Variants in AKR1C1 observed in about 807,000 individuals in gnomAD.
AKR1C1 encodes the protein 20 alpha-hydroxysteroid dehydrogenase.
In AKR1C1, 32 loss-of-function variants were observed where a neutral mutation model predicts 40.6. The observed-to-expected ratio is 0.79, with a 90% confidence interval of 0.60 to 1.06. The LOEUF (loss-of-function observed/expected upper bound fraction) is 1.06, where lower values mean the gene tolerates loss of function less well. AKR1C1 is among the 50% of genes least tolerant of loss of function. The pLI is 0.00. For synonymous variants in AKR1C1, 105 were observed against 134.2 expected (o/e 0.78, Z 1.50); for missense variants, 320 against 363.5 (o/e 0.88, Z 0.97).
intron 3 of AKR1C1, 48 bp downstream of exon 3, chr10:4,967,091 A>T: frequency 6.4e-7 from 1 of 1,562,248 alleles, no homozygotes. Flanking sequence ...TTCTCAGCAT[A>T]AATATTGTTT....
rs781845539 is a variant in AKR1C1 at position 4,983,044 on chromosome 10, G to A, written c.*5302G>A. ...ATCAGAGCTGGTGCTGGTATCCACT[G>A]CTGGGAGACTTGTGCTGAGGTGAAG... On this transcript the variant is annotated 3_prime_UTR_variant, in exon 9 of 9. Coordinates refer to ENST00000380872, the MANE Select transcript of AKR1C1 (RefSeq NM_001353.6). 1 of 401,822 alleles carries A rather than the reference G, an allele frequency of 2.5e-6. No homozygotes were observed. Among genetic ancestry groups the A allele is most frequent in the Admixed American group, 2.7e-5 (1 of 37,604 alleles). 24.9% of individuals were successfully genotyped at this position (401,822 alleles called of 1,614,324 possible).
In AKR1C1 at chr10:4,965,871, A is replaced by G. The variant is rs756630819; in HGVS notation, c.85-43A>G. The stretch of plus-strand genomic sequence containing the variant: ...GCTACTTGTGCCTGAACTAACTCTC[A>G]GGCACATTAGTCAGAAAATACTACC... On this transcript the variant is annotated intron_variant, in intron 1 of 8. Transcript: ENST00000380872. The G allele has an allele frequency of 3.2e-6, 5 of 1,585,746 alleles. No homozygotes were observed. The African/African-American group carries it at 6.8e-5, about 22-fold the overall frequency.
chr10:4,977,711 C>T lies in AKR1C1; in HGVS notation c.941C>T (p.Pro314Leu). ...RYLTLDIFAGPPNYPFSDEY is the reference protein window; with the variant it reads ...RYLTLDIFAGLPNYPFSDEY ...TTTTCTCTTTCCAGTTTTGCTGGCC[C>T]CCCTAATTATCCATTTTCTGATGAA... The change falls in exon 9 of 9, where the codon CCC (proline) becomes CTC (leucine). Residue 314 changes from proline to leucine, a missense_variant. Pro to Leu is a moderately conservative substitution (Grantham distance 98). Coordinates refer to ENST00000380872, the MANE Select transcript of AKR1C1 (RefSeq NM_001353.6). The T allele has an allele frequency of 6.2e-7, 1 of 1,610,168 alleles. No individual in the cohort carries two copies. Among genetic ancestry groups the T allele is most frequent in the Non-Finnish European group, 8.5e-7 (1 of 1,179,068 alleles).
In AKR1C1 at chr10:4,974,581, A is replaced by T. The variant is rs1158987654; in HGVS notation, c.847-1270A>T. The stretch of plus-strand genomic sequence containing the variant: ...TATAAATTTGGTTAATTCTAATGGG[A>T]TTGACTTTTTAAATACTGTATGAGA... On this transcript the variant is annotated intron_variant, in intron 7 of 8. Transcript: ENST00000380872. 3.3e-5 allele frequency among the ~76,000 whole-genome samples: 5 copies of T among 152,152 alleles called. No homozygotes were observed. The South Asian group carries it at 8.3e-4, about 25-fold the overall frequency.
In AKR1C1 at chr10:4,981,301, A is replaced by T. The variant is rs533035280; in HGVS notation, c.*3559A>T. The T allele has an allele frequency of 6.6e-6, 1 of 152,336 alleles. No individual in the cohort carries two copies. Among genetic ancestry groups the T allele is most frequent in the South Asian group, 2.1e-4 (1 of 4,828 alleles). 9.4% of individuals were successfully genotyped at this position (152,336 alleles called of 1,614,324 possible). A position where few individuals can be genotyped will look rare whatever the true frequency, so the allele number is the denominator to read the frequency against. On this transcript the variant is annotated 3_prime_UTR_variant, in exon 9 of 9. Transcript: ENST00000380872. ...ATAGTAAATGAACATCATATGTTGT[A>T]ATATAGTTAGCCAGGGAGGGGAAAG... is the stretch of plus-strand genomic sequence containing the variant.
intron 5 of AKR1C1, chr10:4,969,873 T>C (rs1397826666): frequency 1.9e-5 from 14 of 740,758 alleles, no homozygotes; most frequent in Non-Finnish European, 2.8e-5. Context: ...GAAATACATA[T>C]GTATAAAATT....
chr10:4,973,915 T>TATAC (rs5782795), intron 7 of AKR1C1, among the ~76,000 whole-genome samples: 103,026 of 150,252 alleles, frequency 0.69, 35,513 homozygotes, highest in East Asian at 0.8. Context: ...ATATATGAAA[T>TATAC]ATCATATATG....
chr10:4,967,194 T>C (rs1168123439), intron 3 of AKR1C1, 151 bp downstream of exon 3: 5 of 997,682 alleles, frequency 5.0e-6, no homozygotes, highest in Admixed American at 3.0e-5. Flanking sequence ...TTCCTTTCTA[T>C]GGGATACATT....
intron 5 of AKR1C1, 87 bp downstream of exon 5, chr10:4,969,031 T>C (rs1836381092): frequency 3.1e-6 from 5 of 1,598,782 alleles, no homozygotes; most frequent in African/African-American, 1.3e-5. Context: ...TAGTCCCACT[T>C]ATCTTTGTAA....
chr10:4,963,587 C>G (rs1001280493), intron 1 of AKR1C1, 59 bp downstream of exon 1: 2 of 1,451,908 alleles, frequency 1.4e-6, no homozygotes, highest in African/African-American at 3.0e-5. Context: ...TGGAAGCTGA[C>G]CAGGTTGTCA....
rs1301708289 is a variant in AKR1C1 at position 4,978,791 on chromosome 10, T to C, written c.*1049T>C. On this transcript the variant is annotated 3_prime_UTR_variant, in exon 9 of 9. Transcript: ENST00000380872. ...CAAATGTTCCAAGACTTCAAAGGTC[T>C]TTTGGAAACAGGCTATGTAAAACAG... is the stretch of plus-strand genomic sequence containing the variant. The C allele has an allele frequency of 6.6e-6, 1 of 152,236 alleles. No individual in the cohort carries two copies. Among genetic ancestry groups the C allele is most frequent in the Non-Finnish European group, 1.5e-5 (1 of 68,032 alleles). 9.4% of individuals were successfully genotyped at this position (152,236 alleles called of 1,614,324 possible). A position where few individuals can be genotyped will look rare whatever the true frequency, so the allele number is the denominator to read the frequency against.
Position 4,979,551 on chromosome 10 carries a change from G to C in AKR1C1, c.*1809G>C, listed in dbSNP as rs58737034. The C allele has an allele frequency of 8.1e-3, 1,206 of 149,746 alleles. 25 individuals are homozygous for C. Among genetic ancestry groups the C allele is most frequent in the African/African-American group, 0.027 (1,075 of 39,372 alleles). The allele number at this position is 149,746 out of a possible 1,614,324, so 9.3% of individuals were successfully genotyped here. ...AGAAAAGATTGACATTTTGTTAAAA[G>C]TTAGTAGTGAAGTGTGTAACGCTTA... On this transcript the variant is annotated 3_prime_UTR_variant, in exon 9 of 9. Coordinates refer to ENST00000380872, the MANE Select transcript of AKR1C1 (RefSeq NM_001353.6).
At chr10:4,970,867 G>C (rs1461216819) in intron 5 of AKR1C1, among the ~76,000 whole-genome samples, 2 of 150,988 alleles carry the variant, frequency 1.3e-5, no homozygotes, top group Non-Finnish European at 3.0e-5. Flanking sequence ...GCTAGATGAC[G>C]AGTTAGTAGG....
Position 4,981,054 on chromosome 10 carries a change from G to T in AKR1C1, c.*3312G>T, listed in dbSNP as rs190877253. 1 of 152,248 alleles carries T rather than the reference G, an allele frequency of 6.6e-6. No homozygotes were observed. The highest frequency in any genetic ancestry group is 3.4e-3 in the Middle Eastern group (1 of 294). 9.4% of individuals were successfully genotyped at this position (152,248 alleles called of 1,614,324 possible). A position where few individuals can be genotyped will look rare whatever the true frequency, so the allele number is the denominator to read the frequency against. The stretch of plus-strand genomic sequence containing the variant: ...AGAACAGTAATCTCTTTCAACCTCT[G>T]TAAGAGAGTTCTTGGTTGATTAGGT... On this transcript the variant is annotated 3_prime_UTR_variant, in exon 9 of 9. Transcript: ENST00000380872.
chr10:4,968,930 C>A lies in AKR1C1; in HGVS notation c.556C>A (p.Pro186Thr). Residue 186 changes from proline (P) to threonine (T), a missense_variant, in exon 5 of 9, where the codon CCT (proline) becomes ACT (threonine). Pro to Thr is a conservative substitution (Grantham distance 38). Transcript: ENST00000380872. ...ILNKPGLKYK[P>T]VCNQVECHPY... ...CAACAAGCCAGGGCTCAAGTACAAGCCTGTCTGCAACCAGGTGAGCACCCT... is the reference window on the plus strand; with the variant it reads ...CAACAAGCCAGGGCTCAAGTACAAGACTGTCTGCAACCAGGTGAGCACCCT... The A allele has an allele frequency of 2.5e-6, 4 of 1,614,194 alleles. No homozygotes were observed. Among genetic ancestry groups the A allele is most frequent in the Non-Finnish European group, 3.4e-6 (4 of 1,180,030 alleles).
intron 8 of AKR1C1, among the ~76,000 whole-genome samples, chr10:4,976,748 G>A (rs559885935): frequency 7.9e-5 from 12 of 152,332 alleles, no homozygotes; most frequent in African/African-American, 2.9e-4. Flanking sequence ...ACTGCTGGCA[G>A]TAGGGATTTC....
At chr10:4,971,522 TAA>T (rs10595294) in intron 5 of AKR1C1, among the ~76,000 whole-genome samples, 57,816 of 142,192 alleles carry the variant, frequency 0.41, 12,025 homozygotes, top group East Asian at 0.56. Flanking sequence ...TATATATATA[TAA>T]AATATATATG....
In AKR1C1 at chr10:4,965,769, G is replaced by A. The variant is rs141929068; in HGVS notation, c.85-145G>A. On this transcript the variant is annotated intron_variant, in intron 1 of 8. Transcript: ENST00000380872. ...TTATTACTAACTGGGAAAGACCCAG[G>A]GAGACTGGGATGGGCTCATGATTCT... 7 of 918,784 alleles carry A rather than the reference G, an allele frequency of 7.6e-6. No individual in the cohort carries two copies. The Middle Eastern group carries it at 9.0e-4, about 119-fold the overall frequency. The allele number at this position is 918,784 out of a possible 1,614,324, so 56.9% of individuals were successfully genotyped here. A position where few individuals can be genotyped will look rare whatever the true frequency, so the allele number is the denominator to read the frequency against.
chr10:4,965,012 A>G (rs1836308785), intron 1 of AKR1C1, among the ~76,000 whole-genome samples: 1 of 152,168 alleles, frequency 6.6e-6, no homozygotes, highest in South Asian at 2.1e-4. Flanking sequence ...TTCCTTTTGG[A>G]GACTTTTGGA....
Sources: gnomAD v4.1 joint callset for allele counts (sites outside exome capture counted in the v4.1 genomes callset) on GRCh38, gnomAD v4.1.1 for gene constraint, MANE v1.5 for transcripts, NCBI Gene and HGNC (gene_info 2026-07-23, HGNC 2026-07-21) for gene names.